IL1RAPL2: variants seen among roughly 807,000 people sequenced by gnomAD.
The protein encoded by IL1RAPL2 is interleukin 1 receptor accessory protein like 2.
Under a neutral mutation model 44.1 loss-of-function variants are expected in IL1RAPL2, and 3 were observed. The observed-to-expected ratio is 0.07, with a 90% CI of 0.03 to 0.18. The LOEUF (loss-of-function observed/expected upper bound fraction) is 0.18, where lower values mean the gene tolerates loss of function less well. Among genes scored for constraint, IL1RAPL2 ranks in the 10% least tolerant of loss-of-function variants. The probability of loss-of-function intolerance (pLI) is 1.00; values close to 1 mark genes in which losing one functional copy is unlikely to be tolerated. For missense variants in IL1RAPL2, 391 were observed against 496.4 expected (o/e 0.79, Z 2.02); for synonymous variants, 181 against 178.8 (o/e 1.01, Z -0.10).
chrX:104,855,748 T>TC (rs1484483975), intron 2 of IL1RAPL2, among the ~76,000 whole-genome samples: 10 of 100,291 alleles, frequency 1.0e-4, no homozygotes, highest in African/African-American at 3.6e-4. Flanking sequence ...CACTGTAGCC[T>TC]CGACCTGCTG....
chrX:104,737,067 G>A (rs1410810822), intron 2 of IL1RAPL2, among the ~76,000 whole-genome samples: 2 of 112,354 alleles, frequency 1.8e-5, no homozygotes, highest in Non-Finnish European at 1.9e-5. Flanking sequence ...TTGAATCAAC[G>A]TCATCCAGAA....
chrX:105,515,367 G>T (rs1353179665), intron 6 of IL1RAPL2, among the ~76,000 whole-genome samples: 1 of 111,986 alleles, frequency 8.9e-6, no homozygotes, highest in Non-Finnish European at 1.9e-5. Context: ...ATGATATCTT[G>T]AATCTCAGGC....
At chrX:105,274,023 C>T (rs1046111875) in intron 5 of IL1RAPL2, among the ~76,000 whole-genome samples, 1 of 111,888 alleles carries the variant, frequency 8.9e-6, no homozygotes, top group Non-Finnish European at 1.9e-5. Context: ...TTAATCACCA[C>T]CAGGCAAAAA....
intron 2 of IL1RAPL2, among the ~76,000 whole-genome samples, chrX:104,869,019 T>G (rs755654568): frequency 1.8e-5 from 2 of 111,717 alleles, no homozygotes; most frequent in Admixed American, 9.5e-5. Context: ...TTCTGCCTTG[T>G]AAAACACTGT....
intron 2 of IL1RAPL2, among the ~76,000 whole-genome samples, chrX:104,871,382 G>A (rs1282981885): frequency 9.0e-6 from 1 of 111,305 alleles, no homozygotes; most frequent in Non-Finnish European, 1.9e-5. Flanking sequence ...ATACAAATCT[G>A]GGACACCACA....
chrX:104,569,106 G>A (rs901485961), intron 1 of IL1RAPL2, among the ~76,000 whole-genome samples: 21 of 112,494 alleles, frequency 1.9e-4, no homozygotes, highest in Middle Eastern at 4.6e-3. Context: ...CTGCCTCCGT[G>A]AACAGACAGC....
At chrX:105,507,462 T>A (rs2036438993) in intron 6 of IL1RAPL2, among the ~76,000 whole-genome samples, 1 of 111,662 alleles carries the variant, frequency 9.0e-6, no homozygotes, top group Non-Finnish European at 1.9e-5. Flanking sequence ...TAAATCTGTC[T>A]TATTACTCCC....
intron 2 of IL1RAPL2, among the ~76,000 whole-genome samples, chrX:105,073,049 T>A (rs1393457929): frequency 9.2e-6 from 1 of 109,162 alleles, no homozygotes. Context: ...TTTTTTCTTT[T>A]TTTTATTATT....
chrX:104,884,330 T>C (rs1258400048), intron 2 of IL1RAPL2, among the ~76,000 whole-genome samples: 1 of 111,759 alleles, frequency 8.9e-6, no homozygotes, highest in African/African-American at 3.3e-5. Flanking sequence ...ATCAGCAGGG[T>C]CCAGGGACCG....
chrX:104,838,789 C>T (rs1357273971), intron 2 of IL1RAPL2, among the ~76,000 whole-genome samples: 5 of 108,160 alleles, frequency 4.6e-5, no homozygotes, highest in Non-Finnish European at 9.6e-5. Context: ...AGAGGGCATC[C>T]TTGTCTTCTG....
At chrX:105,094,044 T>G (rs1460568841) in intron 2 of IL1RAPL2, among the ~76,000 whole-genome samples, 1 of 111,893 alleles carries the variant, frequency 8.9e-6, no homozygotes, top group Non-Finnish European at 1.9e-5. Context: ...GAGCATGTGC[T>G]GAGCCACCTC....
chrX:105,432,748 G>A (rs2035856953), intron 5 of IL1RAPL2, among the ~76,000 whole-genome samples: 2 of 111,033 alleles, frequency 1.8e-5, no homozygotes, highest in South Asian at 7.7e-4. Flanking sequence ...CAAACCCTAG[G>A]ATACAGATAC....
chrX:104,600,314 C>T (rs1928856549), intron 1 of IL1RAPL2, among the ~76,000 whole-genome samples: 1 of 111,346 alleles, frequency 9.0e-6, no homozygotes, highest in Non-Finnish European at 1.9e-5. Context: ...CATAACTGTA[C>T]AGAACTAGAA....
intron 2 of IL1RAPL2, among the ~76,000 whole-genome samples, chrX:104,979,290 TC>T (rs1226602293): frequency 2.7e-5 from 3 of 111,305 alleles, no homozygotes; most frequent in African/African-American, 9.8e-5. Flanking sequence ...CAAAATTAAT[TC>T]CAGAAAGCCC....
At position 105,396,337 on chromosome X, in the gene IL1RAPL2, A is replaced by G. The variant is rs936494448; in HGVS notation, c.698-87976A>G. On this transcript the variant is annotated intron_variant, in intron 5 of 10. Transcript: ENST00000372582. The stretch of plus-strand genomic sequence containing the variant: ...CTTCCCTCCTTCCTTTTTTTAATAA[A>G]GTTGAGATGACTTTACGGTAATCAG... Among the ~76,000 whole-genome samples the G allele has an allele frequency of 3.8e-5, 4 of 106,351 alleles. No individual in the cohort carries two copies. In the East Asian group the frequency reaches 1.2e-3, roughly 33 times the overall value. The allele number at this position is 106,351 out of a possible 115,157, so 92.4% of individuals were successfully genotyped here. A position where few individuals can be genotyped will look rare whatever the true frequency, so the allele number is the denominator to read the frequency against.
intron 2 of IL1RAPL2, among the ~76,000 whole-genome samples, chrX:104,690,181 T>C (rs188582696): frequency 8.9e-6 from 1 of 112,791 alleles, no homozygotes; most frequent in African/African-American, 3.2e-5. Context: ...AACTCATTTA[T>C]TCAAGAATAA....
At chrX:105,701,749 A>G (rs1015240811) in intron 6 of IL1RAPL2, among the ~76,000 whole-genome samples, 1 of 112,075 alleles carries the variant, frequency 8.9e-6, no homozygotes, top group Non-Finnish European at 1.9e-5. Context: ...AGGAAAAACT[A>G]TATCCTTGTT....
chrX:105,110,452 C>T (rs755756895), intron 2 of IL1RAPL2, among the ~76,000 whole-genome samples: 16 of 111,996 alleles, frequency 1.4e-4, no homozygotes, highest in Non-Finnish European at 3.0e-4. Context: ...TCATGATAAA[C>T]ATCTTTAGCC....
Position 105,767,142 on chromosome X carries a change from G to C in IL1RAPL2, c.1542G>C (p.Gly514=). The change falls in exon 11 of 11, where the codon GGG becomes GGC. Residue 514 remains glycine, a synonymous_variant. Coordinates refer to ENST00000372582, the MANE Select transcript of IL1RAPL2 (RefSeq NM_017416.2). ...VILIECTELK[G]KVNCQEVESL... is the part of the protein sequence containing the mutation. Reference sequence around the variant, plus strand: ...TGATTGAGTGTACAGAATTAAAAGGGAAAGTGAATTGCCAGGAAGTGGAAT... The same window carrying C: ...TGATTGAGTGTACAGAATTAAAAGGCAAAGTGAATTGCCAGGAAGTGGAAT... 1 of 1,211,108 alleles carries C rather than the reference G, an allele frequency of 8.3e-7. No homozygotes were observed. The highest frequency in any genetic ancestry group is 1.1e-6 in the Non-Finnish European group (1 of 894,868).
Sources: gnomAD v4.1 joint callset for allele counts (sites outside exome capture counted in the v4.1 genomes callset) on GRCh38, gnomAD v4.1.1 for gene constraint, MANE v1.5 for transcripts, NCBI Gene and HGNC (gene_info 2026-07-23, HGNC 2026-07-21) for gene names.